The following NAA15 variants were observed in gnomAD, a reference collection of about 807,000 sequenced individuals.
NAA15 encodes N-terminal acetyltransferase.
Under a neutral mutation model 114.0 loss-of-function variants are expected in NAA15, and 34 were observed. That is an observed-to-expected ratio of 0.30 (90% CI 0.23 to 0.40). NAA15 has a LOEUF of 0.40. Among genes scored for constraint, NAA15 ranks in the 10% least tolerant of loss-of-function variants. The probability of loss-of-function intolerance (pLI) is 1.00; values close to 1 mark genes in which losing one functional copy is unlikely to be tolerated. For synonymous variants in NAA15, 340 were observed against 338.0 expected (o/e 1.01, Z -0.06); for missense variants, 658 against 1,004.5 (o/e 0.66, Z 4.66).
At chr4:139,332,245 C>T (rs1295611481) in intron 1 of NAA15, among the ~76,000 whole-genome samples, 1 of 152,076 alleles carries the variant, frequency 6.6e-6, no homozygotes, top group Non-Finnish European at 1.5e-5. Flanking sequence ...ATTCTCCTGC[C>T]TCAGCTTCCC....
intron 17 of NAA15, among the ~76,000 whole-genome samples, chr4:139,382,131 C>T (rs1262115175): frequency 6.6e-6 from 1 of 152,064 alleles, no homozygotes; most frequent in East Asian, 1.9e-4. Context: ...TGCTCCTTTT[C>T]TTAAGGGTAC....
chr4:139,374,678 C>T (rs189460796), intron 15 of NAA15, among the ~76,000 whole-genome samples: 4 of 152,124 alleles, frequency 2.6e-5, no homozygotes, highest in East Asian at 1.9e-4. Context: ...TTGTTCTGCA[C>T]GATGTATGAG....
intron 16 of NAA15, among the ~76,000 whole-genome samples, chr4:139,377,233 AT>A (rs1319833571): frequency 1.3e-5 from 2 of 152,140 alleles, no homozygotes; most frequent in African/African-American, 2.4e-5. Context: ...CTATATGAGT[AT>A]CCATTTAAAA....
At chr4:139,311,825 G>A (rs1044485597) in intron 1 of NAA15, among the ~76,000 whole-genome samples, 2 of 151,826 alleles carry the variant, frequency 1.3e-5, no homozygotes, top group Admixed American at 6.6e-5. Context: ...AGAGCTGGGC[G>A]CAGGGGTGCA....
intron 1 of NAA15, among the ~76,000 whole-genome samples, chr4:139,330,498 A>G (rs1746966202): frequency 6.6e-6 from 1 of 152,204 alleles, no homozygotes; most frequent in South Asian, 2.1e-4. Flanking sequence ...CCAGTTAGGA[A>G]GCTATTGCCA....
At chr4:139,319,157 G>A (rs190707262) in intron 1 of NAA15, among the ~76,000 whole-genome samples, 5 of 152,272 alleles carry the variant, frequency 3.3e-5, no homozygotes, top group Non-Finnish European at 5.9e-5. Flanking sequence ...AACCAGGCAT[G>A]GTGGCGCATG....
intron 12 of NAA15, 121 bp downstream of exon 12, chr4:139,360,016 TTTAA>T (rs1480218181): frequency 5.8e-6 from 5 of 866,634 alleles, no homozygotes; most frequent in Non-Finnish European, 8.4e-6. Context: ...TAGCCAAGAT[TTTAA>T]TTAAATCACT....
At chr4:139,364,289 CT>C (rs1166846504) in intron 14 of NAA15, among the ~76,000 whole-genome samples, 5 of 151,832 alleles carry the variant, frequency 3.3e-5, no homozygotes, top group African/African-American at 7.3e-5. Context: ...AATATTTAGT[CT>C]TTTTTTGTGG....
At chr4:139,361,609 A>T (rs900123648) in intron 13 of NAA15, 115 bp from the exon 14 acceptor site, 9 of 635,564 alleles carry the variant, frequency 1.4e-5, no homozygotes, top group African/African-American at 3.7e-5. Context: ...TTGTTTTTTT[A>T]AAATTTTACT....
At chr4:139,302,318 G>C (rs1745816643) in intron 1 of NAA15, 1 of 155,670 alleles carries the variant, frequency 6.4e-6, no homozygotes, top group Non-Finnish European at 1.4e-5. Flanking sequence ...TCCTCTCTTG[G>C]GATTCACCTG....
At chr4:139,305,429 A>G (rs960845364) in intron 1 of NAA15, among the ~76,000 whole-genome samples, 2 of 151,434 alleles carry the variant, frequency 1.3e-5, no homozygotes, top group African/African-American at 4.9e-5. Context: ...ATAGTAAGTT[A>G]GTGCTTTTAA....
chr4:139,360,921 A>G (rs747094542), intron 13 of NAA15, among the ~76,000 whole-genome samples: 1 of 152,120 alleles, frequency 6.6e-6, no homozygotes, highest in Non-Finnish European at 1.5e-5. Context: ...TTAGTAGTAC[A>G]TACACAGCTG....
Position 139,388,220 on chromosome 4 carries a change from GT to G in NAA15, c.*142del. On this transcript the variant is annotated 3_prime_UTR_variant, in exon 20 of 20. Transcript: ENST00000296543. The stretch of plus-strand genomic sequence containing the variant: ...TTCTTGCCTTCAAATAGTGTTTTAC[GT>G]TTTTTATCCTGCTGAAAAAGTATAT... 1.6e-6 allele frequency: 1 copy of G among 642,378 alleles called. No homozygotes were observed. Among genetic ancestry groups the G allele is most frequent in the East Asian group, 2.8e-5 (1 of 35,210 alleles). 39.8% of individuals were successfully genotyped at this position (642,378 alleles called of 1,614,324 possible). A position where few individuals can be genotyped will look rare whatever the true frequency, so the allele number is the denominator to read the frequency against.
chr4:139,303,347 T>C (rs6817138), intron 1 of NAA15, among the ~76,000 whole-genome samples: 40,371 of 152,118 alleles, frequency 0.27, 5,677 homozygotes, highest in African/African-American at 0.35. Context: ...TTAATCTCTT[T>C]TTCACAATTC....
At chr4:139,352,770 C>T (rs910452675) in intron 9 of NAA15, among the ~76,000 whole-genome samples, 26 of 147,580 alleles carry the variant, frequency 1.8e-4, no homozygotes, top group Non-Finnish European at 2.8e-4. Context: ...CGGGTTCAAG[C>T]GATTCTCCTG....
intron 17 of NAA15, among the ~76,000 whole-genome samples, chr4:139,382,673 A>T (rs910244521): frequency 3.9e-5 from 6 of 152,044 alleles, no homozygotes; most frequent in Non-Finnish European, 5.9e-5. Flanking sequence ...CTGCTTTTCC[A>T]CTGAAAAACA....
chr4:139,360,604 T>C lies in NAA15; in HGVS notation c.1515T>C (p.Leu505=). 6.2e-7 allele frequency: 1 copy of C among 1,607,966 alleles called. No individual in the cohort carries two copies. Residue 505 remains leucine (L), a synonymous_variant, in exon 13 of 20, where the codon CTT becomes CTC. Coordinates refer to ENST00000296543, the MANE Select transcript of NAA15 (RefSeq NM_057175.5). The part of the protein sequence containing the change: ...YKAMNKFGEA[L]KKCHEIERHF... Reference sequence around the variant, plus strand: ...CAATGAATAAATTTGGTGAAGCACTTAAGAAATGTCATGAGATTGAGAGAG... The same window carrying C: ...CAATGAATAAATTTGGTGAAGCACTCAAGAAATGTCATGAGATTGAGAGAG...
In NAA15 at chr4:139,301,785, C is replaced by T; in HGVS notation, c.8C>T (p.Ala3Val). MP[A>V]VSLPPKENAL... ...GCGGGAGCAGCCGGAACGATGCCGG[C>T]CGTGAGCCTCCCGCCCAAGGAGAAT... Residue 3 changes from alanine to valine, a missense_variant, in exon 1 of 20, where the codon GCC (alanine) becomes GTC (valine). Transcript: ENST00000296543. 6.3e-7 allele frequency: 1 copy of T among 1,580,542 alleles called. No homozygotes were observed. The highest frequency in any genetic ancestry group is 8.6e-7 in the Non-Finnish European group (1 of 1,162,810).
chr4:139,374,396 T>C (rs1748526031), intron 15 of NAA15, among the ~76,000 whole-genome samples: 1 of 152,214 alleles, frequency 6.6e-6, no homozygotes, highest in African/African-American at 2.4e-5. Flanking sequence ...CAGTGAACAA[T>C]GGACCCCAAC....
Sources: gnomAD v4.1 joint callset for allele counts (sites outside exome capture counted in the v4.1 genomes callset) on GRCh38, gnomAD v4.1.1 for gene constraint, MANE v1.5 for transcripts, NCBI Gene and HGNC (gene_info 2026-07-23, HGNC 2026-07-21) for gene names.